Variants in ARHGAP20 observed in about 807,000 individuals in gnomAD.
ARHGAP20 encodes Rho GTPase activating protein 20.
A neutral mutation model predicts 73.7 loss-of-function variants in ARHGAP20; 34 were observed. The ratio of observed to expected loss-of-function variants is 0.46; its 90% CI spans 0.35 to 0.61. The LOEUF (loss-of-function observed/expected upper bound fraction) is 0.61, where lower values mean the gene tolerates loss of function less well. Ranked by LOEUF, ARHGAP20 falls within the 20% of genes least tolerant of loss-of-function variation. ARHGAP20 has a pLI of 0.00. For missense variants in ARHGAP20, 1,314 were observed against 1,420.9 expected (o/e 0.92, Z 1.21); for synonymous variants, 523 against 518.2 (o/e 1.01, Z -0.13).
At chr11:110,684,863 G>A (rs921997202) in intron 2 of ARHGAP20, among the ~76,000 whole-genome samples, 58 of 136,054 alleles carry the variant, frequency 4.3e-4, no homozygotes, top group African/African-American at 1.7e-3. Flanking sequence ...ATAAGTGGGA[G>A]GAAACAATGG....
chr11:110,687,057 G>GAC (rs761078220), intron 2 of ARHGAP20, among the ~76,000 whole-genome samples: 2,724 of 117,612 alleles, frequency 0.023, 88 homozygotes, highest in East Asian at 0.085. Flanking sequence ...TATATATATA[G>GAC]ACACACACAC....
chr11:110,674,605 A>G (rs1189713567), intron 2 of ARHGAP20, among the ~76,000 whole-genome samples: 1 of 152,218 alleles, frequency 6.6e-6, no homozygotes, highest in African/African-American at 2.4e-5. Context: ...TGAATTTTGT[A>G]CTTAGAAATC....
At chr11:110,606,121 C>T (rs1457434792) in intron 9 of ARHGAP20, among the ~76,000 whole-genome samples, 2 of 152,200 alleles carry the variant, frequency 1.3e-5, no homozygotes, top group East Asian at 3.8e-4. Context: ...CTGTAGAAAT[C>T]ATCTTAGTCT....
At chr11:110,585,190 G>GT (rs1947628298) in intron 12 of ARHGAP20, among the ~76,000 whole-genome samples, 1 of 151,718 alleles carries the variant, frequency 6.6e-6, no homozygotes, top group African/African-American at 2.4e-5. Context: ...TGAACTGGTT[G>GT]TAACATCTTA....
At chr11:110,628,612 CTT>C (rs1321985058) in intron 3 of ARHGAP20, among the ~76,000 whole-genome samples, 10 of 152,258 alleles carry the variant, frequency 6.6e-5, no homozygotes, top group African/African-American at 1.9e-4. Flanking sequence ...ATCATTCGCA[CTT>C]TTAAATATTC....
intron 4 of ARHGAP20, among the ~76,000 whole-genome samples, chr11:110,623,625 T>C (rs1022425651): frequency 6.6e-6 from 1 of 151,308 alleles, no homozygotes; most frequent in African/African-American, 2.5e-5. Context: ...AATAAAACAC[T>C]ATTTATTTAA....
At chr11:110,670,832 T>C (rs189693685) in intron 2 of ARHGAP20, among the ~76,000 whole-genome samples, 153 of 152,080 alleles carry the variant, frequency 1.0e-3, no homozygotes, top group African/African-American at 3.5e-3. Context: ...CAAATCCCAA[T>C]TGGAGAACAT....
In ARHGAP20 at chr11:110,582,309, T is replaced by C. The variant is rs758829964; in HGVS notation, c.1720+12A>G. On this transcript the variant is annotated intron_variant, in intron 14 of 14. Coordinates refer to ENST00000683387, the MANE Select transcript of ARHGAP20 (RefSeq NM_001384657.1). ...TGTTTCTCACAAAAACCAATCCAATTATTCACAATACCTGAGGCATTCTCT... is the reference window on the plus strand; with the variant it reads ...TGTTTCTCACAAAAACCAATCCAATCATTCACAATACCTGAGGCATTCTCT... The C allele has an allele frequency of 3.2e-6, 5 of 1,581,046 alleles. No homozygotes were observed. The East Asian group carries it at 1.1e-4, about 35-fold the overall frequency.
intron 1 of ARHGAP20, chr11:110,711,677 C>A (rs879401625): frequency 6.8e-7 from 1 of 1,460,522 alleles, no homozygotes; most frequent in East Asian, 2.8e-5. Context: ...CGCCGGCTGC[C>A]GCTCCCGGGC....
chr11:110,595,752 C>G lies in ARHGAP20; in HGVS notation c.965-3597G>C, dbSNP rs200457260. ...TTTATAGATTCAATGCCATTCCCAT[C>G]AAGCTACCAATGACTTTCTTCACAG... On this transcript the variant is annotated intron_variant, in intron 9 of 14. Coordinates refer to ENST00000683387, the MANE Select transcript of ARHGAP20 (RefSeq NM_001384657.1). 1.5e-3 allele frequency among the ~76,000 whole-genome samples: 228 copies of G among 152,300 alleles called. 7 individuals carry two copies. The East Asian group carries it at 0.041, about 27-fold the overall frequency.
rs1343543554 is a variant in ARHGAP20, at chr11:110,579,911, C to T, written c.3035G>A (p.Arg1012His). 3.7e-6 allele frequency: 6 copies of T among 1,614,062 alleles called. No homozygotes were observed. The African/African-American group carries it at 4.0e-5, about 11-fold the overall frequency. Residue 1012 changes from arginine to histidine, a missense_variant, in exon 15 of 15, where the codon CGC becomes CAC. Transcript: ENST00000683387. The stretch of plus-strand genomic sequence containing the variant: ...GGTGTCCTTCTTTGTATAGGCTGGG[C>T]GGCTGCAAGCCTGCCCTGATGAGGG... Reference protein sequence around the residue: ...PGPSSGQACSRPAYTKKDTME... With the variant: ...PGPSSGQACSHPAYTKKDTME...
rs150200453 is a variant in ARHGAP20, at chr11:110,627,038, G to A, written c.354-2727C>T. 8.5e-5 allele frequency among the ~76,000 whole-genome samples: 13 copies of A among 152,050 alleles called. No homozygotes were observed. In the East Asian group the frequency reaches 2.3e-3, roughly 27 times the overall value. ...ATCTCCAATAGTATTATGACAACAG[G>A]AATTAAAAAGTGTGAATCCAATATA... On this transcript the variant is annotated intron_variant, in intron 3 of 14. Transcript: ENST00000683387.
intron 9 of ARHGAP20, among the ~76,000 whole-genome samples, chr11:110,602,916 AT>A (rs1948143231): frequency 6.6e-6 from 1 of 152,224 alleles, no homozygotes; most frequent in African/African-American, 2.4e-5. Flanking sequence ...GAAAACAATA[AT>A]TCAGTACAAC....
At chr11:110,657,016 CT>C (rs1277873942) in intron 2 of ARHGAP20, among the ~76,000 whole-genome samples, 2 of 152,152 alleles carry the variant, frequency 1.3e-5, no homozygotes, top group Non-Finnish European at 2.9e-5. Flanking sequence ...GCTTGCTACT[CT>C]GAAATTCAGT....
chr11:110,690,547 C>A lies in ARHGAP20; in HGVS notation c.188G>T (p.Arg63Met). Residue 63 changes from arginine (R) to methionine (M), a missense_variant and splice_region_variant, in exon 2 of 15, where the codon AGG becomes ATG. Physicochemically the swap from Arg to Met is moderately conservative, Grantham distance 91. Coordinates refer to ENST00000683387, the MANE Select transcript of ARHGAP20 (RefSeq NM_001384657.1). ...DKALQKRPTT[R>M]DSPSASVDTC... ...GTGTAATACAAAGCTTTGCACTTACCTGGTAGTAGGCCGTTTTTGTAGGGC... is the reference window on the plus strand; with the variant it reads ...GTGTAATACAAAGCTTTGCACTTACATGGTAGTAGGCCGTTTTTGTAGGGC... 6.2e-7 allele frequency: 1 copy of A among 1,613,448 alleles called. No individual in the cohort carries two copies. Among genetic ancestry groups the A allele is most frequent in the Non-Finnish European group, 8.5e-7 (1 of 1,179,448 alleles).
Position 110,665,175 on chromosome 11 carries a change from TC to T in ARHGAP20, c.188+25371del, listed in dbSNP as rs141291561. ...CAAAAACACATATGTAAAAATGAATTCACATATCCAATTTTATGAAATGCAG... is the reference window on the plus strand; with the variant it reads ...CAAAAACACATATGTAAAAATGAATTACATATCCAATTTTATGAAATGCAG... On this transcript the variant is annotated intron_variant, in intron 2 of 14. Transcript: ENST00000683387. Among the ~76,000 whole-genome samples, 477 of 152,306 alleles carry T rather than the reference TC, an allele frequency of 3.1e-3. 5 individuals are homozygous for T. Among genetic ancestry groups the T allele is most frequent in the African/African-American group, 0.011 (461 of 41,554 alleles).
intron 2 of ARHGAP20, among the ~76,000 whole-genome samples, chr11:110,638,444 C>T (rs326959): frequency 0.49 from 75,018 of 151,772 alleles, 20,338 homozygotes; most frequent in African/African-American, 0.74. Flanking sequence ...GAAGGCAACT[C>T]AGAGTGAGTG....
At chr11:110,612,895 A>G (rs1948400999) in intron 6 of ARHGAP20, among the ~76,000 whole-genome samples, 1 of 152,210 alleles carries the variant, frequency 6.6e-6, no homozygotes, top group South Asian at 2.1e-4. Flanking sequence ...GAGTCTTTGG[A>G]GCACTCAACC....
At chr11:110,604,818 T>C (rs931570478) in intron 9 of ARHGAP20, among the ~76,000 whole-genome samples, 1 of 152,200 alleles carries the variant, frequency 6.6e-6, no homozygotes, top group African/African-American at 2.4e-5. Context: ...GATTTACCAA[T>C]GACTTTGGTA....
Sources: gnomAD v4.1 joint callset for allele counts (sites outside exome capture counted in the v4.1 genomes callset) on GRCh38, gnomAD v4.1.1 for gene constraint, MANE v1.5 for transcripts, NCBI Gene and HGNC (gene_info 2026-07-23, HGNC 2026-07-21) for gene names.